The following FAM222B variants were observed in gnomAD, a reference collection of about 807,000 sequenced individuals.
FAM222B encodes family with sequence similarity 222 member B, also known as protein FAM222B.
In FAM222B, 12 loss-of-function variants were observed where a neutral mutation model predicts 38.0. That is an observed-to-expected ratio of 0.32 (90% CI 0.20 to 0.51). The LOEUF is 0.51. FAM222B is among the 20% of genes least tolerant of loss of function. FAM222B has a pLI of 0.97. For missense variants in FAM222B, 716 were observed against 754.2 expected (o/e 0.95, Z 0.59); for synonymous variants, 329 against 317.2 (o/e 1.04, Z -0.40).
At chr17:28,760,482 A>C (rs1232011709) in intron 2 of FAM222B, among the ~76,000 whole-genome samples, 1 of 152,134 alleles carries the variant, frequency 6.6e-6, no homozygotes, top group African/African-American at 2.4e-5. Flanking sequence ...AGGCTGAGGC[A>C]GGAGGATTAA....
At chr17:28,779,026 A>G (rs1438479301) in intron 1 of FAM222B, among the ~76,000 whole-genome samples, 5 of 151,966 alleles carry the variant, frequency 3.3e-5, no homozygotes, top group African/African-American at 1.2e-4. Context: ...AATTTTGCTC[A>G]TAAGTACCTG....
At chr17:28,853,193 CAAAA>C (rs71359260) in intron 1 of FAM222B, among the ~76,000 whole-genome samples, 8 of 112,198 alleles carry the variant, frequency 7.1e-5, no homozygotes, top group Admixed American at 2.8e-4. Context: ...AACTCTGTCT[CAAAA>C]AAAAAAAAAA....
chr17:28,790,890 T>TAA (rs2036642317), intron 1 of FAM222B, among the ~76,000 whole-genome samples: 2 of 89,278 alleles, frequency 2.2e-5, no homozygotes, highest in African/African-American at 8.2e-5. Flanking sequence ...TTCACTTTTT[T>TAA]TTTTTTTTTT....
At chr17:28,772,809 C>T (rs956961351) in intron 1 of FAM222B, among the ~76,000 whole-genome samples, 7 of 152,024 alleles carry the variant, frequency 4.6e-5, no homozygotes, top group African/African-American at 1.7e-4. Flanking sequence ...GCAGAAGAAT[C>T]GCTTGAACTG....
intron 1 of FAM222B, among the ~76,000 whole-genome samples, chr17:28,780,315 AAAGG>A (rs1291807277): frequency 1.3e-5 from 2 of 152,146 alleles, no homozygotes; most frequent in Admixed American, 1.3e-4. Flanking sequence ...TCTAAATCGG[AAAGG>A]AAGTAAAATT....
At chr17:28,764,576 C>CTG (rs917610820) in intron 2 of FAM222B, among the ~76,000 whole-genome samples, 61 of 152,068 alleles carry the variant, frequency 4.0e-4, no homozygotes, top group African/African-American at 1.4e-3. Flanking sequence ...TGAAGAAACC[C>CTG]TGTCTCTACT....
At chr17:28,814,407 A>C (rs2037935675) in intron 1 of FAM222B, among the ~76,000 whole-genome samples, 1 of 152,124 alleles carries the variant, frequency 6.6e-6, no homozygotes, top group Non-Finnish European at 1.5e-5. Flanking sequence ...CATATATAAC[A>C]ACCTCAGTAC....
intron 1 of FAM222B, among the ~76,000 whole-genome samples, chr17:28,784,491 T>TAAAAAAAAAAAA (rs559624246): frequency 8.6e-4 from 31 of 36,050 alleles, no homozygotes; most frequent in Non-Finnish European, 1.2e-3. Flanking sequence ...TCCCCTCTCT[T>TAAAAAAAAAAAA]AAAAAAAAAA....
At chr17:28,822,834 T>C (rs796155208) in intron 1 of FAM222B, among the ~76,000 whole-genome samples, 1 of 30,052 alleles carries the variant, frequency 3.3e-5, no homozygotes, top group Non-Finnish European at 5.5e-5. Flanking sequence ...AAAAAAAAAA[T>C]ATATATATAT....
intron 1 of FAM222B, among the ~76,000 whole-genome samples, chr17:28,784,046 C>T (rs112541144): frequency 1.7e-3 from 256 of 150,408 alleles, no homozygotes; most frequent in African/African-American, 5.6e-3. Context: ...GTGATCCACC[C>T]GCCTCGGCCT....
chr17:28,842,269 T>C (rs549034026), intron 1 of FAM222B, among the ~76,000 whole-genome samples: 1 of 152,116 alleles, frequency 6.6e-6, no homozygotes, highest in East Asian at 1.9e-4. Flanking sequence ...CCGACTCCCA[T>C]CCTCTACCCA....
chr17:28,822,052 A>G (rs2038241492), intron 1 of FAM222B, among the ~76,000 whole-genome samples: 1 of 150,488 alleles, frequency 6.6e-6, no homozygotes, highest in African/African-American at 2.4e-5. Context: ...GGCTGGGTGC[A>G]GTGGCTCACG....
chr17:28,854,208 G>T (rs556650693), intron 1 of FAM222B, among the ~76,000 whole-genome samples: 2 of 152,270 alleles, frequency 1.3e-5, no homozygotes, highest in South Asian at 4.1e-4. Flanking sequence ...CTCCCAAAGT[G>T]CTGGGATTAC....
At chr17:28,822,842 TATATATATATATATATATATATACACAC>T (rs2038304442) in intron 1 of FAM222B, among the ~76,000 whole-genome samples, 1 of 84,092 alleles carries the variant, frequency 1.2e-5, no homozygotes, top group African/African-American at 5.9e-5. Context: ...AATATATATA[TATATATATATATATATATATATACACAC>T]ATATATATAT....
In FAM222B at chr17:28,833,215, A is replaced by C. The variant is rs190491431; in HGVS notation, c.-41+9467T>G. Among the ~76,000 whole-genome samples, 208 of 151,676 alleles carry C rather than the reference A, an allele frequency of 1.4e-3. 1 individual carries two copies. Among genetic ancestry groups the C allele is most frequent in the Admixed American group, 3.4e-3 (52 of 15,164 alleles). ...TCCCAGCTACTTGGGAGGCTGAGGC[A>C]GGAGAATACCTTGAACCCAGGAAGT... On this transcript the variant is annotated intron_variant, in intron 1 of 2. Coordinates refer to ENST00000581407, the MANE Select transcript of FAM222B (RefSeq NM_001077498.3).
chr17:28,758,281 C>G lies in FAM222B; in HGVS notation c.1678G>C (p.Gly560Arg), dbSNP rs371104802. The G allele has an allele frequency of 1.3e-6, 2 of 1,585,520 alleles. No individual in the cohort carries two copies. Among genetic ancestry groups the G allele is most frequent in the Non-Finnish European group, 1.7e-6 (2 of 1,166,084 alleles). Residue 560 changes from glycine to arginine, a missense_variant, in exon 3 of 3, where the codon GGG becomes CGG. Gly to Arg is a moderately radical substitution (Grantham distance 125). Transcript: ENST00000581407. ...ESRSLHIQHPGYR is the reference protein window; with the variant it reads ...ESRSLHIQHPRYR Reference sequence around the variant, plus strand: ...GGCAGCAGGGCTACCTATCTATACCCTGGGTGCTGAATATGAAGACTTCGA... The same window carrying G: ...GGCAGCAGGGCTACCTATCTATACCGTGGGTGCTGAATATGAAGACTTCGA...
At chr17:28,837,650 T>G (rs2038893153) in intron 1 of FAM222B, among the ~76,000 whole-genome samples, 1 of 151,756 alleles carries the variant, frequency 6.6e-6, no homozygotes, top group Non-Finnish European at 1.5e-5. Flanking sequence ...CTTTTTGTTT[T>G]TTTTTTTTTG....
At chr17:28,831,263 G>A (rs569643939) in intron 1 of FAM222B, among the ~76,000 whole-genome samples, 274 of 151,710 alleles carry the variant, frequency 1.8e-3, no homozygotes, top group African/African-American at 6.3e-3. Context: ...CAAAGTGCTG[G>A]GATTACAGGC....
rs528855058 is a variant in FAM222B at position 28,831,169 on chromosome 17, A to G, written c.-41+11513T>C. Among the ~76,000 whole-genome samples, 110 of 151,764 alleles carry G rather than the reference A, an allele frequency of 7.2e-4. 1 individual carries two copies. The highest frequency in any genetic ancestry group is 2.5e-3 in the African/African-American group (104 of 41,382). Reference sequence around the variant, plus strand: ...ACCACCATGCCCCACTAATTTTTGTATTTTTAGTAGAGATGGGGTTTCACC... The same window carrying G: ...ACCACCATGCCCCACTAATTTTTGTGTTTTTAGTAGAGATGGGGTTTCACC... On this transcript the variant is annotated intron_variant, in intron 1 of 2. Transcript: ENST00000581407.
Sources: allele counts gnomAD v4.1 joint callset (sites outside exome capture counted in the v4.1 genomes callset), GRCh38; gene constraint gnomAD v4.1.1; transcripts MANE v1.5; gene names NCBI Gene and HGNC (gene_info 2026-07-23, HGNC 2026-07-21).